The following ZFAT variants were observed in gnomAD, a reference collection of about 807,000 sequenced individuals.
The protein encoded by ZFAT is zinc finger and AT-hook domain containing, also known as zinc finger protein ZFAT.
ZFAT carries 64 observed loss-of-function variants against 117.7 expected under a neutral mutation model. That is an observed-to-expected ratio of 0.54 (90% confidence interval 0.44 to 0.67). ZFAT has a LOEUF of 0.67. ZFAT is among the 30% of genes least tolerant of loss of function. The pLI, the probability that ZFAT is intolerant of heterozygous loss-of-function variation, is 0.00. For missense variants in ZFAT, 1,433 were observed against 1,584.5 expected (o/e 0.90, Z 1.62); for synonymous variants, 679 against 615.0 (o/e 1.10, Z -1.54).
chr8:134,811,508 T>C, the ZFAT span, among the ~76,000 whole-genome samples: 1 of 152,150 alleles, frequency 6.6e-6, no homozygotes, highest in Non-Finnish European at 1.5e-5. Flanking sequence ...ACTTCCATAG[T>C]GACAGAATGA....
chr8:134,602,129 T>G lies in ZFAT; in HGVS notation c.1590A>C (p.Ala530=). 6.2e-7 allele frequency: 1 copy of G among 1,612,988 alleles called. No individual in the cohort carries two copies. Reference sequence around the variant, plus strand: ...CCCCAGGACAGGCCTCTTCCTTGAGTGCATTCACGCCCTGGAGGGCAAACT... The same window carrying G: ...CCCCAGGACAGGCCTCTTCCTTGAGGGCATTCACGCCCTGGAGGGCAAACT... ...EEEFALQGVN[A]LKEEACPGDT... is the part of the protein sequence containing the mutation. The change falls in exon 6 of 16, where the codon GCA becomes GCC. Residue 530 remains alanine (A), a synonymous_variant. Transcript: ENST00000377838.
At chr8:134,766,574 A>G in the ZFAT span, 1 of 152,194 alleles carries the variant, frequency 6.6e-6, no homozygotes, top group Non-Finnish European at 1.5e-5. Context: ...TTATTTACAT[A>G]TATATCCTAA....
intron 11 of ZFAT, among the ~76,000 whole-genome samples, chr8:134,533,725 G>C (rs903217973): frequency 6.6e-6 from 1 of 152,182 alleles, no homozygotes; most frequent in African/African-American, 2.4e-5. Flanking sequence ...GGCCACAAAC[G>C]AGTCATGCAG....
chr8:134,733,554 A>G, the ZFAT span, among the ~76,000 whole-genome samples: 1 of 152,256 alleles, frequency 6.6e-6, no homozygotes, highest in African/African-American at 2.4e-5. Flanking sequence ...GATTCACCCC[A>G]ACAAACTGGC....
At chr8:134,797,608 G>A in the ZFAT span, 1 of 152,114 alleles carries the variant, frequency 6.6e-6, no homozygotes, top group East Asian at 1.9e-4. Context: ...TCCCAAGACA[G>A]AAAGTTAAGT....
At chr8:134,816,723 G>A in the ZFAT span, among the ~76,000 whole-genome samples, 3 of 152,054 alleles carry the variant, frequency 2.0e-5, no homozygotes, top group African/African-American at 4.8e-5. Context: ...GGTGGCTCAC[G>A]CCTGTAATCC....
chr8:134,482,428 A>C (rs1224080139), intron 15 of ZFAT, among the ~76,000 whole-genome samples: 1 of 152,206 alleles, frequency 6.6e-6, no homozygotes, highest in Non-Finnish European at 1.5e-5. Context: ...TTTACAAAGG[A>C]AGGCACAAAA....
chr8:134,612,336 G>A (rs943318379), intron 3 of ZFAT, among the ~76,000 whole-genome samples: 4 of 152,218 alleles, frequency 2.6e-5, no homozygotes, highest in Non-Finnish European at 5.9e-5. Context: ...AGGAACAGGA[G>A]AAACCAAAGG....
intron 12 of ZFAT, among the ~76,000 whole-genome samples, chr8:134,531,638 G>T (rs1052257757): frequency 2.0e-5 from 3 of 152,170 alleles, no homozygotes; most frequent in African/African-American, 4.8e-5. Context: ...ATGCAGATTG[G>T]AGCCAGAGAC....
intron 12 of ZFAT, among the ~76,000 whole-genome samples, chr8:134,524,698 T>C (rs1010270525): frequency 1.3e-5 from 2 of 152,320 alleles, no homozygotes; most frequent in Non-Finnish European, 2.9e-5. Context: ...TAAGCAGTAC[T>C]GAGGTTGAGA....
intron 13 of ZFAT, among the ~76,000 whole-genome samples, chr8:134,514,352 C>T (rs1304714841): frequency 6.6e-6 from 1 of 152,206 alleles, no homozygotes; most frequent in Non-Finnish European, 1.5e-5. Context: ...GTAATTGACA[C>T]TCGAGTGTCT....
intron 1 of ZFAT, among the ~76,000 whole-genome samples, chr8:134,683,571 C>T (rs1054905080): frequency 3.3e-5 from 5 of 152,158 alleles, no homozygotes; most frequent in Admixed American, 6.5e-5. Flanking sequence ...GGAGTGGAAG[C>T]CACACAGCCA....
chr8:134,763,520 C>T, the ZFAT span, among the ~76,000 whole-genome samples: 1 of 152,256 alleles, frequency 6.6e-6, no homozygotes, highest in South Asian at 2.1e-4. Flanking sequence ...TCTCTACTTC[C>T]TTACCGTGCC....
chr8:134,634,620 T>C (rs1165979056), intron 3 of ZFAT, among the ~76,000 whole-genome samples: 1 of 152,168 alleles, frequency 6.6e-6, no homozygotes, highest in African/African-American at 2.4e-5. Context: ...GGAATAGTTA[T>C]TAAAGCAGTA....
chr8:134,670,915 G>C, intron 1 of ZFAT, among the ~76,000 whole-genome samples: 1 of 152,086 alleles, frequency 6.6e-6, no homozygotes. Flanking sequence ...AAATGATAAA[G>C]GGGATATCAC....
intron 13 of ZFAT, among the ~76,000 whole-genome samples, chr8:134,519,043 T>C (rs1820450829): frequency 6.6e-6 from 1 of 152,204 alleles, no homozygotes; most frequent in South Asian, 2.1e-4. Flanking sequence ...TAATATGTTT[T>C]AATATCTGGT....
At chr8:134,821,945 G>C in the ZFAT span, among the ~76,000 whole-genome samples, 3 of 152,144 alleles carry the variant, frequency 2.0e-5, no homozygotes, top group South Asian at 6.2e-4. Flanking sequence ...GAAGTTGTTT[G>C]GTCTAATAAA....
the ZFAT span, among the ~76,000 whole-genome samples, chr8:134,755,296 C>T: frequency 4.6e-5 from 7 of 150,970 alleles, no homozygotes; most frequent in Admixed American, 6.6e-5. Flanking sequence ...GCCTATAGTC[C>T]CAGCTACTTG....
intron 11 of ZFAT, among the ~76,000 whole-genome samples, chr8:134,562,459 T>C (rs1334953523): frequency 6.6e-6 from 1 of 152,134 alleles, no homozygotes; most frequent in Non-Finnish European, 1.5e-5. Flanking sequence ...GGATGAGGGG[T>C]TGGCATGAAG....
Sources: gnomAD v4.1 joint callset for allele counts (sites outside exome capture counted in the v4.1 genomes callset) on GRCh38, gnomAD v4.1.1 for gene constraint, MANE v1.5 for transcripts, NCBI Gene and HGNC (gene_info 2026-07-23, HGNC 2026-07-21) for gene names.